The following PKHD1 variants were observed in gnomAD, a reference collection of about 807,000 sequenced individuals.
PKHD1 encodes PKHD1 ciliary IPT domain containing fibrocystin/polyductin.
PKHD1 carries 291 observed loss-of-function variants against 412.0 expected under a neutral mutation model. The observed-to-expected ratio is 0.71, with a 90% CI of 0.64 to 0.78. The LOEUF is 0.78. Among genes scored for constraint, PKHD1 ranks in the 30% least tolerant of loss-of-function variants. PKHD1 has a pLI of 0.00. For missense variants in PKHD1, 4,825 were observed against 4,950.7 expected (o/e 0.97, Z 0.76); for synonymous variants, 1,777 against 1,821.5 (o/e 0.98, Z 0.62).
In PKHD1 at chr6:51,659,097, T is replaced by G; in HGVS notation, c.11029A>C (p.Met3677Leu). The change falls in exon 61 of 67, where the codon ATG becomes CTG. Residue 3677 changes from methionine (M) to leucine (L), a missense_variant. Transcript: ENST00000371117. ...TTGTTACTTGATAAGGATGAAATCA[T>G]TCCAGTGCTCCTTACTGTTGGCGAA... ...GDSPTVRSTGMISSLSSNKLQ... is the reference protein window; with the variant it reads ...GDSPTVRSTGLISSLSSNKLQ... The G allele has an allele frequency of 2.5e-6, 4 of 1,613,870 alleles. No individual in the cohort carries two copies. Among genetic ancestry groups the G allele is most frequent in the Non-Finnish European group, 3.4e-6 (4 of 1,179,858 alleles).
intron 64 of PKHD1, among the ~76,000 whole-genome samples, chr6:51,634,862 C>T (rs938519144): frequency 6.6e-6 from 1 of 152,104 alleles, no homozygotes; most frequent in African/African-American, 2.4e-5. Flanking sequence ...AAATATCAGG[C>T]AAAAGGCCCT....
chr6:51,693,599 G>A (rs1778429213), intron 60 of PKHD1, among the ~76,000 whole-genome samples: 1 of 152,168 alleles, frequency 6.6e-6, no homozygotes, highest in South Asian at 2.1e-4. Flanking sequence ...ACAAATAAGT[G>A]ATGGAGACAG....
chr6:51,921,101 GT>G (rs1784627480), intron 37 of PKHD1, among the ~76,000 whole-genome samples: 1 of 151,978 alleles, frequency 6.6e-6, no homozygotes, highest in African/African-American at 2.4e-5. Flanking sequence ...TTTTTGAAGG[GT>G]TTTTTGTGTC....
At position 52,078,887 on chromosome 6, in the gene PKHD1, C is replaced by A. The variant is rs547667251; in HGVS notation, c.390+1013G>T. On this transcript the variant is annotated intron_variant, in intron 5 of 66. Coordinates refer to ENST00000371117, the MANE Select transcript of PKHD1 (RefSeq NM_138694.4). Reference sequence around the variant, plus strand: ...GCTGCATATGTGCAAAAGCAAAATTCCAGAAAACAAGATTCTCTTGGATTA... The same window carrying A: ...GCTGCATATGTGCAAAAGCAAAATTACAGAAAACAAGATTCTCTTGGATTA... Among the ~76,000 whole-genome samples, 3 of 152,258 alleles carry A rather than the reference C, an allele frequency of 2.0e-5. No individual in the cohort carries two copies. In the South Asian group the frequency reaches 6.2e-4, roughly 32 times the overall value.
At chr6:51,675,101 G>A (rs1775622535) in intron 60 of PKHD1, among the ~76,000 whole-genome samples, 1 of 152,032 alleles carries the variant, frequency 6.6e-6, no homozygotes, top group Non-Finnish European at 1.5e-5. Context: ...TTTGGCGTGA[G>A]GCAAAAATAA....
At chr6:51,754,151 A>G (rs1004427507) in intron 56 of PKHD1, among the ~76,000 whole-genome samples, 1 of 152,088 alleles carries the variant, frequency 6.6e-6, no homozygotes, top group South Asian at 2.1e-4. Context: ...CCTGGATTAG[A>G]TTTATTTATT....
intron 41 of PKHD1, among the ~76,000 whole-genome samples, chr6:51,905,668 T>C (rs1354307070): frequency 6.6e-6 from 1 of 152,152 alleles, no homozygotes; most frequent in Non-Finnish European, 1.5e-5. Context: ...GATTCTATTT[T>C]AAAAGCAATA....
At chr6:51,949,695 T>C (rs1790023627) in intron 36 of PKHD1, among the ~76,000 whole-genome samples, 1 of 152,100 alleles carries the variant, frequency 6.6e-6, no homozygotes, top group Non-Finnish European at 1.5e-5. Context: ...TCCATAATCC[T>C]ATCCACTAGC....
intron 49 of PKHD1, among the ~76,000 whole-genome samples, chr6:51,850,890 C>A (rs1390656879): frequency 2.0e-5 from 3 of 152,118 alleles, no homozygotes; most frequent in Non-Finnish European, 4.4e-5. Flanking sequence ...CCCTTTATTT[C>A]TTTCTCTTGC....
chr6:51,621,142 T>C (rs1036856917), intron 66 of PKHD1, among the ~76,000 whole-genome samples: 2 of 152,188 alleles, frequency 1.3e-5, no homozygotes, highest in Non-Finnish European at 2.9e-5. Flanking sequence ...GTTGCTTCTA[T>C]TATTAGTCAC....
At chr6:52,063,732 G>A (rs1246129015) in intron 13 of PKHD1, among the ~76,000 whole-genome samples, 1 of 152,056 alleles carries the variant, frequency 6.6e-6, no homozygotes, top group Non-Finnish European at 1.5e-5. Context: ...ACCACTTCCG[G>A]TCTAACAGCC....
At chr6:52,022,250 C>T (rs1308274271) in intron 33 of PKHD1, among the ~76,000 whole-genome samples, 4 of 152,130 alleles carry the variant, frequency 2.6e-5, no homozygotes, top group Admixed American at 6.5e-5. Context: ...TGGTGTTTTA[C>T]TGAATAAGAA....
At chr6:51,637,562 G>A (rs1768740967) in intron 64 of PKHD1, among the ~76,000 whole-genome samples, 1 of 151,864 alleles carries the variant, frequency 6.6e-6, no homozygotes, top group Non-Finnish European at 1.5e-5. Context: ...CATATAGCCA[G>A]GGAGCAATAA....
intron 60 of PKHD1, among the ~76,000 whole-genome samples, chr6:51,677,485 T>C (rs1776032014): frequency 6.6e-6 from 1 of 152,178 alleles, no homozygotes; most frequent in African/African-American, 2.4e-5. Context: ...AATGGGCTGG[T>C]AGACTTCAGG....
At chr6:51,648,247 A>G (rs1197229005) in intron 62 of PKHD1, 129 bp from the exon 63 acceptor site, 3 of 633,642 alleles carry the variant, frequency 4.7e-6, no homozygotes, top group Admixed American at 5.6e-5. Context: ...AAGGAAAGAA[A>G]GTGATAAATA....
At chr6:52,009,792 G>C (rs1159745717) in intron 35 of PKHD1, among the ~76,000 whole-genome samples, 1 of 152,044 alleles carries the variant, frequency 6.6e-6, no homozygotes, top group Non-Finnish European at 1.5e-5. Flanking sequence ...AGGCAGAGAG[G>C]CTAGACCGAA....
intron 52 of PKHD1, among the ~76,000 whole-genome samples, chr6:51,818,797 G>A (rs536159206): frequency 6.6e-6 from 1 of 152,130 alleles, no homozygotes; most frequent in Non-Finnish European, 1.5e-5. Flanking sequence ...TGCCTGGAAT[G>A]CGGCTGCAAT....
intron 37 of PKHD1, among the ~76,000 whole-genome samples, chr6:51,921,848 G>A (rs565136895): frequency 1.2e-4 from 19 of 152,224 alleles, no homozygotes; most frequent in African/African-American, 4.1e-4. Context: ...TTCAAGGTTT[G>A]TAGCTTCTTT....
chr6:51,870,400 A>G (rs144704997), intron 47 of PKHD1, 104 bp downstream of exon 47: 3 of 1,004,638 alleles, frequency 3.0e-6, no homozygotes, highest in Non-Finnish European at 4.7e-6. Flanking sequence ...ATGCAATCTT[A>G]TAACTGAAAG....
Sources: gnomAD v4.1 joint callset for allele counts (sites outside exome capture counted in the v4.1 genomes callset) on GRCh38, gnomAD v4.1.1 for gene constraint, MANE v1.5 for transcripts, NCBI Gene and HGNC (gene_info 2026-07-23, HGNC 2026-07-21) for gene names.